MARK3: variants seen among roughly 807,000 people sequenced by gnomAD.
The protein encoded by MARK3 is microtubule affinity regulating kinase 3.
Under a neutral mutation model 90.1 loss-of-function variants are expected in MARK3, and 46 were observed. That is an observed-to-expected ratio of 0.51 (90% CI 0.40 to 0.65). MARK3 has a LOEUF of 0.65. MARK3 is among the 30% of genes least tolerant of loss of function. The pLI, the probability that MARK3 is intolerant of heterozygous loss-of-function variation, is 0.00. For synonymous variants in MARK3, 321 were observed against 332.6 expected (o/e 0.97, Z 0.38); for missense variants, 818 against 947.2 (o/e 0.86, Z 1.79).
rs534781860 is a variant in MARK3, at chr14:103,421,336, G to A, written c.244-7051G>A. Among the ~76,000 whole-genome samples the A allele has an allele frequency of 1.2e-3, 189 of 152,334 alleles. 2 individuals carry two copies. Among genetic ancestry groups the A allele is most frequent in the Non-Finnish European group, 2.1e-3 (143 of 68,028 alleles). ...CAATGATTTCGTATTCACTAATTCA[G>A]TGAGCACAGTAACTGCATAGAATGA... On this transcript the variant is annotated intron_variant, in intron 2 of 17. Coordinates refer to ENST00000429436, the MANE Select transcript of MARK3 (RefSeq NM_001128918.3).
At chr14:103,472,667 A>T (rs1210403253) in intron 12 of MARK3, among the ~76,000 whole-genome samples, 1 of 118,108 alleles carries the variant, frequency 8.5e-6, no homozygotes, top group Non-Finnish European at 1.8e-5. Flanking sequence ...AAAAAAAAAA[A>T]TGAAATTTCT....
rs71126026 is a variant in MARK3 at position 103,452,471 on chromosome 14, C to CTTTTTTTTTTTTTTTTTTTTTTTT, written c.412+506_412+507insTTTTTTTTTTTTTTTTTTTTTTTT. 3.9e-4 allele frequency among the ~76,000 whole-genome samples: 38 copies of CTTTTTTTTTTTTTTTTTTTTTTTT among 97,474 alleles called. 5 individuals carry two copies. The highest frequency in any genetic ancestry group is 8.8e-4 in the Admixed American group (7 of 7,990). The allele number at this position is 97,474 out of a possible 152,430, so 63.9% of individuals were successfully genotyped here. ...ACAAGTGGAATTTTACAGGATTTGT[C>CTTTTTTTTTTTTTTTTTTTTTTTT]TTTTTTTTTTTTTTTTTTGAGACGG... On this transcript the variant is annotated intron_variant, in intron 5 of 17. Coordinates refer to ENST00000429436, the MANE Select transcript of MARK3 (RefSeq NM_001128918.3).
At chr14:103,468,311 CTTCTTT>C in intron 12 of MARK3, 125 bp downstream of exon 12, 1 of 155,420 alleles carries the variant, frequency 6.4e-6, no homozygotes, top group East Asian at 1.2e-4. Context: ...TTCTTTCTTT[CTTCTTT>C]TTTTTTTTTT....
At chr14:103,481,098 C>T (rs2093810796) in intron 14 of MARK3, among the ~76,000 whole-genome samples, 1 of 152,110 alleles carries the variant, frequency 6.6e-6, no homozygotes, top group Non-Finnish European at 1.5e-5. Context: ...TCCTATCATG[C>T]ACATGATTTT....
chr14:103,413,449 CAG>C (rs1221541586), intron 2 of MARK3, among the ~76,000 whole-genome samples: 141 of 121,184 alleles, frequency 1.2e-3, no homozygotes, highest in African/African-American at 4.4e-3. Context: ...TTTTTTGAGA[CAG>C]AGTCTGGCTC....
Position 103,503,490 on chromosome 14 carries a change from G to GTC in MARK3, c.*265_*266dup. On this transcript the variant is annotated 3_prime_UTR_variant, in exon 18 of 18. Coordinates refer to ENST00000429436, the MANE Select transcript of MARK3 (RefSeq NM_001128918.3). Reference sequence around the variant, plus strand: ...GTGGCCCCATCTCCATGTGCCTCCCGTCTGGGTGGGTGTGAGAGTGGACGG... The same window carrying GTC: ...GTGGCCCCATCTCCATGTGCCTCCCGTCTCTGGGTGGGTGTGAGAGTGGACGG... The GTC allele has an allele frequency of 2.1e-6, 1 of 481,366 alleles. No individual in the cohort carries two copies. The highest frequency in any genetic ancestry group is 3.7e-6 in the Non-Finnish European group (1 of 268,036). 29.8% of individuals were successfully genotyped at this position (481,366 alleles called of 1,614,324 possible).
intron 13 of MARK3, among the ~76,000 whole-genome samples, chr14:103,478,499 CATA>C (rs2093758602): frequency 1.3e-5 from 2 of 151,466 alleles, no homozygotes; most frequent in South Asian, 4.2e-4. Context: ...TTTGACTCAG[CATA>C]ATGTTTTCAT....
At chr14:103,409,236 G>GC (rs397811815) in intron 2 of MARK3, among the ~76,000 whole-genome samples, 5 of 150,828 alleles carry the variant, frequency 3.3e-5, no homozygotes, top group Non-Finnish European at 7.4e-5. Flanking sequence ...CTCGTAAGTG[G>GC]AGTTGAACAA....
At chr14:103,391,232 G>C (rs984732145) in intron 1 of MARK3, among the ~76,000 whole-genome samples, 6 of 152,030 alleles carry the variant, frequency 3.9e-5, no homozygotes, top group African/African-American at 1.5e-4. Context: ...AGAATTACCC[G>C]GCCTAAAATG....
At chr14:103,466,946 G>A in intron 10 of MARK3, 133 bp from the exon 11 acceptor site, 1 of 457,794 alleles carries the variant, frequency 2.2e-6, no homozygotes, top group Non-Finnish European at 3.9e-6. Flanking sequence ...GGAGGTTGCG[G>A]TGAGCCAAGA....
intron 3 of MARK3, among the ~76,000 whole-genome samples, chr14:103,432,143 A>G (rs966488834): frequency 8.5e-5 from 13 of 152,228 alleles, no homozygotes; most frequent in Non-Finnish European, 1.2e-4. Context: ...AAACAAGACA[A>G]GAACAAGACT....
intron 3 of MARK3, among the ~76,000 whole-genome samples, chr14:103,436,154 G>A (rs1335365392): frequency 6.6e-6 from 1 of 152,164 alleles, no homozygotes; most frequent in East Asian, 1.9e-4. Flanking sequence ...GCCTCCCAAA[G>A]TGCTGAATTA....
rs1299534465 is a variant in MARK3, at chr14:103,470,453, C to CAATTTTTTTTTTTTTTTTT, written c.1264+2267_1264+2268insAATTTTTTTTTTTTTTTTT. ...CTATTCCAGGATTCAGGAACTAAAT[C>CAATTTTTTTTTTTTTTTTT]TATTTTTTTTTTTTTTTTTGAGATG... On this transcript the variant is annotated intron_variant, in intron 12 of 17. Coordinates refer to ENST00000429436, the MANE Select transcript of MARK3 (RefSeq NM_001128918.3). Among the ~76,000 whole-genome samples the CAATTTTTTTTTTTTTTTTT allele has an allele frequency of 8.4e-3, 202 of 24,124 alleles. 7 individuals are homozygous for CAATTTTTTTTTTTTTTTTT. Among genetic ancestry groups the CAATTTTTTTTTTTTTTTTT allele is most frequent in the Non-Finnish European group, 0.013 (151 of 11,982 alleles). The allele number at this position is 24,124 out of a possible 152,430, so 15.8% of individuals were successfully genotyped here. A position where few individuals can be genotyped will look rare whatever the true frequency, so the allele number is the denominator to read the frequency against.
intron 1 of MARK3, among the ~76,000 whole-genome samples, chr14:103,389,858 C>T (rs558427884): frequency 4.9e-5 from 7 of 142,416 alleles, no homozygotes; most frequent in South Asian, 2.3e-4. Flanking sequence ...GCTGGAGAAT[C>T]GCTTGAACCC....
intron 2 of MARK3, among the ~76,000 whole-genome samples, chr14:103,420,775 G>A (rs767331574): frequency 2.0e-5 from 3 of 151,958 alleles, no homozygotes; most frequent in Non-Finnish European, 2.9e-5. Flanking sequence ...AATCCTTTTC[G>A]GACATATGCA....
chr14:103,413,641 A>G (rs765680405), intron 2 of MARK3, among the ~76,000 whole-genome samples: 4 of 135,952 alleles, frequency 2.9e-5, no homozygotes, highest in African/African-American at 5.1e-5. Context: ...TATTTTTGGT[A>G]GAGATGGAGT....
intron 2 of MARK3, among the ~76,000 whole-genome samples, chr14:103,421,099 C>G (rs578007133): frequency 1.4e-4 from 21 of 152,220 alleles, no homozygotes; most frequent in Middle Eastern, 3.4e-3. Context: ...TTGCACTGCA[C>G]ATGGCTATGG....
intron 15 of MARK3, among the ~76,000 whole-genome samples, chr14:103,495,009 T>G (rs2075259167): frequency 6.6e-6 from 1 of 152,224 alleles, no homozygotes; most frequent in Non-Finnish European, 1.5e-5. Context: ...TATGCATATT[T>G]TATGTATAAA....
intron 13 of MARK3, among the ~76,000 whole-genome samples, chr14:103,478,315 C>T (rs1415256131): frequency 1.3e-5 from 2 of 149,452 alleles, no homozygotes; most frequent in East Asian, 2.0e-4. Context: ...AAAAAAAGAA[C>T]ACCTGTATCC....
Sources: allele counts gnomAD v4.1 joint callset (sites outside exome capture counted in the v4.1 genomes callset), GRCh38; gene constraint gnomAD v4.1.1; transcripts MANE v1.5; gene names NCBI Gene and HGNC (gene_info 2026-07-23, HGNC 2026-07-21).